ZNF577: variants seen among roughly 807,000 people sequenced by gnomAD.
The protein encoded by ZNF577 is zinc finger protein 577.
A neutral mutation model predicts 13.9 loss-of-function variants in ZNF577; 14 were observed. That is an observed-to-expected ratio of 1.00 (90% CI 0.66 to 1.57). ZNF577 has a LOEUF of 1.57. Ranked by LOEUF, ZNF577 falls within the 40% of genes most tolerant of loss-of-function variation. The probability of loss-of-function intolerance (pLI) is 0.00; values close to 1 mark genes in which losing one functional copy is unlikely to be tolerated. For missense variants in ZNF577, 555 were observed against 579.2 expected (o/e 0.96, Z 0.43); for synonymous variants, 203 against 202.9 (o/e 1.00, Z 0.00).
intron 1 of ZNF577, among the ~76,000 whole-genome samples, chr19:51,885,264 T>G (rs1389673457): frequency 6.6e-6 from 1 of 152,212 alleles, no homozygotes; most frequent in Non-Finnish European, 1.5e-5. Flanking sequence ...ATTCTATAAT[T>G]GCAGAACCTA....
At chr19:51,856,956 C>T (rs934369008) in intron 5 of ZNF577, among the ~76,000 whole-genome samples, 9 of 152,074 alleles carry the variant, frequency 5.9e-5, no homozygotes, top group African/African-American at 2.2e-4. Context: ...GGTGTGAATG[C>T]GCCTCACTCT....
intron 2 of ZNF577, 69 bp from the exon 3 acceptor site, chr19:51,880,470 T>C: frequency 7.3e-7 from 1 of 1,366,592 alleles, no homozygotes; most frequent in Non-Finnish European, 1.0e-6. Context: ...CACTTAGCTA[T>C]GTTCCGACAT....
At chr19:51,851,600 CA>C (rs1421673267) in intron 5 of ZNF577, among the ~76,000 whole-genome samples, 1 of 152,130 alleles carries the variant, frequency 6.6e-6, no homozygotes, top group Non-Finnish European at 1.5e-5. Context: ...CCCATATCCC[CA>C]CACCTCACAT....
At position 51,868,060 on chromosome 19, in the gene ZNF577, G is replaced by T. The variant is rs1474929343; in HGVS notation, c.*4472C>A. On this transcript the variant is annotated 3_prime_UTR_variant, in exon 6 of 6. Transcript: ENST00000638348. Reference sequence around the variant, plus strand: ...TATTTACAGACCCAAGTTCTAAACTGGGAATCAAGACAAAGTGGATGGAAT... The same window carrying T: ...TATTTACAGACCCAAGTTCTAAACTTGGAATCAAGACAAAGTGGATGGAAT... 6.6e-6 allele frequency among the ~76,000 whole-genome samples: 1 copy of T among 152,160 alleles called. No homozygotes were observed. Among genetic ancestry groups the T allele is most frequent in the Admixed American group, 6.5e-5 (1 of 15,280 alleles).
At chr19:51,825,945 T>C (rs1047292287) in intron 9 of ZNF577, 6 of 167,088 alleles carry the variant, frequency 3.6e-5, no homozygotes, top group African/African-American at 1.4e-4. Context: ...ATGTTTGCCA[T>C]AGGCTTTCTG....
intron 10 of ZNF577, among the ~76,000 whole-genome samples, chr19:51,808,222 C>T (rs1471429395): frequency 6.6e-6 from 1 of 152,216 alleles, no homozygotes; most frequent in African/African-American, 2.4e-5. Flanking sequence ...CAATTAATAT[C>T]TCCTAATAAC....
intron 5 of ZNF577, among the ~76,000 whole-genome samples, chr19:51,858,169 T>C (rs1347853401): frequency 6.6e-6 from 1 of 152,226 alleles, no homozygotes; most frequent in African/African-American, 2.4e-5. Context: ...GCAATTGCAT[T>C]CTTCCACAGA....
At chr19:51,859,455 T>C (rs146636171) in intron 5 of ZNF577, among the ~76,000 whole-genome samples, 4 of 152,268 alleles carry the variant, frequency 2.6e-5, no homozygotes, top group Non-Finnish European at 2.9e-5. Context: ...AAATCAAAAG[T>C]TTCGGTGTGA....
chr19:51,807,159 T>C (rs1199806171), intron 10 of ZNF577, among the ~76,000 whole-genome samples: 1 of 152,102 alleles, frequency 6.6e-6, no homozygotes, highest in Admixed American at 6.5e-5. Context: ...TAGTGGACAA[T>C]GGCCCTGAGC....
intron 1 of ZNF577, among the ~76,000 whole-genome samples, chr19:51,882,627 A>T (rs112986699): frequency 0.015 from 2,259 of 152,144 alleles, 67 homozygotes; most frequent in African/African-American, 0.052. Flanking sequence ...ACAAAAAAAA[A>T]TTAAAAATTT....
At chr19:51,884,050 G>A (rs187583945) in intron 1 of ZNF577, among the ~76,000 whole-genome samples, 2,289 of 152,204 alleles carry the variant, frequency 0.015, 70 homozygotes, top group African/African-American at 0.052. Flanking sequence ...GTCCGGCCTC[G>A]GTGACAGAGT....
chr19:51,835,611 T>C (rs1201417117), intron 9 of ZNF577, among the ~76,000 whole-genome samples: 1 of 152,206 alleles, frequency 6.6e-6, no homozygotes, highest in African/African-American at 2.4e-5. Context: ...GAACTGAAGT[T>C]AAAATTAATA....
intron 9 of ZNF577, among the ~76,000 whole-genome samples, chr19:51,819,940 C>A (rs7247613): frequency 6.6e-6 from 1 of 151,564 alleles, no homozygotes; most frequent in Non-Finnish European, 1.5e-5. Flanking sequence ...CTTGGGAAGA[C>A]GAGAGACAGT....
rs140340511 is a variant in ZNF577, at chr19:51,830,970, C to T, written c.*599+8923G>A. ...CATTTCCACTTGAAAACCTATGGGG[C>T]ATCATCAAAGTAAAACTATCAATTT... On this transcript the variant is annotated intron_variant and NMD_transcript_variant, in intron 9 of 10. Transcript: ENST00000638827. 4.6e-5 allele frequency among the ~76,000 whole-genome samples: 7 copies of T among 152,298 alleles called. No homozygotes were observed. The East Asian group carries it at 1.4e-3, about 29-fold the overall frequency.
intron 5 of ZNF577, among the ~76,000 whole-genome samples, chr19:51,850,317 A>T (rs189661961): frequency 2.0e-5 from 3 of 152,242 alleles, no homozygotes; most frequent in African/African-American, 7.2e-5. Flanking sequence ...TGTGCAGACT[A>T]TGGTCACCCA....
chr19:51,878,307 C>T (rs1202734323), intron 4 of ZNF577, 82 bp downstream of exon 4: 30 of 1,439,144 alleles, frequency 2.1e-5, no homozygotes, highest in Non-Finnish European at 2.8e-5. Flanking sequence ...ATACTTTAGT[C>T]TAAACCATTA....
At chr19:51,885,901 T>G (rs76120603) in intron 1 of ZNF577, among the ~76,000 whole-genome samples, 2,280 of 152,246 alleles carry the variant, frequency 0.015, 73 homozygotes, top group African/African-American at 0.052. Context: ...TGTCTCTTGA[T>G]AGTGGAATGG....
intron 5 of ZNF577, among the ~76,000 whole-genome samples, chr19:51,875,712 C>T (rs1031452671): frequency 1.6e-4 from 25 of 152,198 alleles, no homozygotes; most frequent in African/African-American, 5.8e-4. Flanking sequence ...ACACTCACTC[C>T]TCATGTCTTC....
chr19:51,850,083 G>T (rs1268420665), intron 5 of ZNF577, among the ~76,000 whole-genome samples: 2 of 152,194 alleles, frequency 1.3e-5, no homozygotes, highest in Non-Finnish European at 1.5e-5. Flanking sequence ...TGGACAGAAG[G>T]AGGGATTTTT....
Sources: gnomAD v4.1 joint callset for allele counts (sites outside exome capture counted in the v4.1 genomes callset) on GRCh38, gnomAD v4.1.1 for gene constraint, MANE v1.5 for transcripts, NCBI Gene and HGNC (gene_info 2026-07-23, HGNC 2026-07-21) for gene names.